The following FGFR1OP2 variants were observed in gnomAD, a reference collection of about 807,000 sequenced individuals.
The protein encoded by FGFR1OP2 is fibroblast growth factor receptor 1 oncogene partner 2.
In FGFR1OP2, 17 loss-of-function variants were observed where a neutral mutation model predicts 35.2. The ratio of observed to expected loss-of-function variants is 0.48; its 90% CI spans 0.33 to 0.73. The LOEUF (loss-of-function observed/expected upper bound fraction) is 0.73, where lower values mean the gene tolerates loss of function less well. FGFR1OP2 is among the 30% of genes least tolerant of loss of function. FGFR1OP2 has a pLI of 0.02. For missense variants in FGFR1OP2, 251 were observed against 307.3 expected (o/e 0.82, Z 1.37); for synonymous variants, 105 against 104.6 (o/e 1.00, Z -0.03).
chr12:26,956,483 T>TC, intron 2 of FGFR1OP2, 60 bp from the exon 3 acceptor site: 1 of 248,784 alleles, frequency 4.0e-6, no homozygotes, highest in Non-Finnish European at 7.3e-6. Flanking sequence ...ATATATCATA[T>TC]ATATATATAT....
chr12:26,950,216 T>TTTTTG lies in FGFR1OP2; in HGVS notation c.-14-3925_-14-3924insGTTTT, dbSNP rs1938901298. 4.1e-5 allele frequency among the ~76,000 whole-genome samples: 4 copies of TTTTTG among 98,664 alleles called. No homozygotes were observed. The East Asian group carries it at 1.3e-3, about 33-fold the overall frequency. The allele number at this position is 98,664 out of a possible 152,430, so 64.7% of individuals were successfully genotyped here. A position where few individuals can be genotyped will look rare whatever the true frequency, so the allele number is the denominator to read the frequency against. The stretch of plus-strand genomic sequence containing the variant: ...TCAAGTAGTTAATGTATTCGTTGTT[T>TTTTTG]TTTTTTTTTTTTTTTTTTTTTTTGA... On this transcript the variant is annotated intron_variant, in intron 1 of 6. Transcript: ENST00000229395.
intron 1 of FGFR1OP2, among the ~76,000 whole-genome samples, chr12:26,942,071 C>A (rs899611050): frequency 6.6e-6 from 1 of 152,188 alleles, no homozygotes; most frequent in Admixed American, 6.5e-5. Flanking sequence ...CTTGCTCTGT[C>A]GCCCAGGCTG....
At chr12:26,950,132 C>T (rs1333630610) in intron 1 of FGFR1OP2, among the ~76,000 whole-genome samples, 2 of 148,076 alleles carry the variant, frequency 1.4e-5, no homozygotes, top group East Asian at 2.0e-4. Flanking sequence ...TCTATGGTAT[C>T]TACAATATTG....
At chr12:26,954,370 T>C (rs1938986655) in intron 2 of FGFR1OP2, 77 bp downstream of exon 2, 1 of 1,462,934 alleles carries the variant, frequency 6.8e-7, no homozygotes, top group African/African-American at 1.4e-5. Flanking sequence ...CTAATTAGTA[T>C]CTAATTTTTT....
chr12:26,950,109 A>G (rs1351019549), intron 1 of FGFR1OP2, among the ~76,000 whole-genome samples: 7 of 151,772 alleles, frequency 4.6e-5, no homozygotes, highest in African/African-American at 1.5e-4. Context: ...ATAGTAACGA[A>G]CTTTAAGGTA....
In FGFR1OP2 at chr12:26,944,909, A is replaced by C; in HGVS notation, c.-15+6199A>C. On this transcript the variant is annotated intron_variant, in intron 1 of 6. Transcript: ENST00000229395. The stretch of plus-strand genomic sequence containing the variant: ...AAATAATTATAATAGGATTATTCAT[A>C]GTTGTCTGTTTCATCTTGTGTGACT... Among the ~76,000 whole-genome samples, 2 of 152,100 alleles carry C rather than the reference A, an allele frequency of 1.3e-5. 1 individual carries two copies. The highest frequency in any genetic ancestry group is 2.9e-5 in the Non-Finnish European group (2 of 68,008).
chr12:26,963,044 C>T lies in FGFR1OP2; in HGVS notation c.511-298C>T, dbSNP rs141504813. On this transcript the variant is annotated intron_variant, in intron 5 of 6. Transcript: ENST00000229395. ...CTTTGAACAATAGTGTATGTAAGTGCAAAAAAAAAGAAAAAGTTGCTGATC... is the reference window on the plus strand; with the variant it reads ...CTTTGAACAATAGTGTATGTAAGTGTAAAAAAAAAGAAAAAGTTGCTGATC... 48 of 205,382 alleles carry T rather than the reference C, an allele frequency of 2.3e-4. No homozygotes were observed. In the East Asian group the frequency reaches 5.3e-3, roughly 23 times the overall value. 12.7% of individuals were successfully genotyped at this position (205,382 alleles called of 1,614,324 possible).
At chr12:26,962,262 T>C (rs911426021) in intron 5 of FGFR1OP2, 1 of 152,208 alleles carries the variant, frequency 6.6e-6, no homozygotes, top group East Asian at 1.9e-4. Flanking sequence ...ACCTACATTT[T>C]TGTTGGTTAA....
At chr12:26,946,075 G>A (rs1592247158) in intron 1 of FGFR1OP2, among the ~76,000 whole-genome samples, 1 of 152,066 alleles carries the variant, frequency 6.6e-6, no homozygotes, top group African/African-American at 2.4e-5. Flanking sequence ...GCTGATTTTT[G>A]TGTACAAAGT....
chr12:26,951,611 C>T (rs953094366), intron 1 of FGFR1OP2, among the ~76,000 whole-genome samples: 6 of 152,088 alleles, frequency 3.9e-5, no homozygotes, highest in Non-Finnish European at 5.9e-5. Flanking sequence ...TGAGCCACTG[C>T]GCCCAGCCCA....
At chr12:26,956,481 T>TATATAC in intron 2 of FGFR1OP2, 62 bp from the exon 3 acceptor site, 1 of 99,218 alleles carries the variant, frequency 1.0e-5, no homozygotes, top group Non-Finnish European at 2.0e-5. Flanking sequence ...TTATATATCA[T>TATATAC]ATATATATAT....
chr12:26,942,987 G>A (rs1358474153), intron 1 of FGFR1OP2, among the ~76,000 whole-genome samples: 1 of 152,124 alleles, frequency 6.6e-6, no homozygotes, highest in African/African-American at 2.4e-5. Flanking sequence ...TATGAATCAT[G>A]CTTTTAGTAT....
chr12:26,951,200 G>T (rs887871902), intron 1 of FGFR1OP2, among the ~76,000 whole-genome samples: 2 of 151,640 alleles, frequency 1.3e-5, no homozygotes, highest in Admixed American at 6.6e-5. Flanking sequence ...GCCCAGGCTG[G>T]AGTGCAGTGG....
chr12:26,945,340 C>T (rs935732952), intron 1 of FGFR1OP2, among the ~76,000 whole-genome samples: 3 of 152,146 alleles, frequency 2.0e-5, no homozygotes, highest in African/African-American at 7.2e-5. Context: ...CTAATATAAA[C>T]ATTTAATGCT....
rs889290270 is a variant in FGFR1OP2 at position 26,945,383 on chromosome 12, A to G, written c.-15+6673A>G. 1.1e-4 allele frequency among the ~76,000 whole-genome samples: 16 copies of G among 152,358 alleles called. No individual in the cohort carries two copies. The South Asian group carries it at 1.2e-3, about 12-fold the overall frequency. On this transcript the variant is annotated intron_variant, in intron 1 of 6. Transcript: ENST00000229395. The stretch of plus-strand genomic sequence containing the variant: ...TGCTTCAAAGTAGAGTTTTACATAC[A>G]TGCCAAAATTTTTGATATTTTGTAT...
intron 1 of FGFR1OP2, among the ~76,000 whole-genome samples, chr12:26,942,237 T>A (rs570905674): frequency 1.3e-5 from 2 of 152,262 alleles, no homozygotes; most frequent in Admixed American, 6.5e-5. Flanking sequence ...TTCACCATGT[T>A]GGTCAGGCTG....
rs1472320052 is a variant in FGFR1OP2, at chr12:26,964,699, T to A, written c.728T>A (p.Val243Glu). ...ASESTSLSAL[V>E]TNSDLSLRKS ...GAAAGTACTTCTTTGTCAGCATTAG[T>A]GACCAACAGTGATTTGAGTCTGAGG... Residue 243 changes from valine (V) to glutamate (E), a missense_variant, in exon 7 of 7, where the codon GTG becomes GAG. Coordinates refer to ENST00000229395, the MANE Select transcript of FGFR1OP2 (RefSeq NM_015633.3). 19 of 1,611,348 alleles carry A rather than the reference T, an allele frequency of 1.2e-5. No homozygotes were observed. Among genetic ancestry groups the A allele is most frequent in the Non-Finnish European group, 1.6e-5 (19 of 1,179,290 alleles).
rs73292204 is a variant in FGFR1OP2 at position 26,954,080 on chromosome 12, C to T, written c.-14-65C>T. 568 of 1,224,666 alleles carry T rather than the reference C, an allele frequency of 4.6e-4. 3 individuals carry two copies. The African/African-American group carries it at 8.1e-3, about 17-fold the overall frequency. 75.9% of individuals were successfully genotyped at this position (1,224,666 alleles called of 1,614,324 possible). A position where few individuals can be genotyped will look rare whatever the true frequency, so the allele number is the denominator to read the frequency against. ...GGCTTAAGAAGCATATCTGTGTTGA[C>T]ATGAAGCTAAAATAAAGAGATATGT... On this transcript the variant is annotated intron_variant, in intron 1 of 6. Transcript: ENST00000229395.
Position 26,957,667 on chromosome 12 carries a change from A to G in FGFR1OP2, c.320A>G (p.Gln107Arg), listed in dbSNP as rs762371523. 1 of 1,613,844 alleles carries G rather than the reference A, an allele frequency of 6.2e-7. No homozygotes were observed. The highest frequency in any genetic ancestry group is 2.2e-5 in the East Asian group (1 of 44,804). The change falls in exon 4 of 7, where the codon CAA becomes CGA. Residue 107 changes from glutamine (Q) to arginine (R), a missense_variant. By Grantham distance (43) the Gln-to-Arg change is conservative. Coordinates refer to ENST00000229395, the MANE Select transcript of FGFR1OP2 (RefSeq NM_015633.3). Reference sequence around the variant, plus strand: ...CTTATAATGAGCAAGTACCGAGAACAAATGTTTAGATTGCTAATGGCTAGC... The same window carrying G: ...CTTATAATGAGCAAGTACCGAGAACGAATGTTTAGATTGCTAATGGCTAGC... Reference protein sequence around the residue: ...LELIMSKYREQMFRLLMASKK... With the variant: ...LELIMSKYRERMFRLLMASKK...
Sources: gnomAD v4.1 joint callset for allele counts (sites outside exome capture counted in the v4.1 genomes callset) on GRCh38, gnomAD v4.1.1 for gene constraint, MANE v1.5 for transcripts, NCBI Gene and HGNC (gene_info 2026-07-23, HGNC 2026-07-21) for gene names.